TMX2: variants seen among roughly 807,000 people sequenced by gnomAD.
TMX2 encodes the protein thioredoxin-related transmembrane protein 2.
In TMX2, 20 loss-of-function variants were observed where a neutral mutation model predicts 33.4. The ratio of observed to expected loss-of-function variants is 0.60; its 90% CI spans 0.42 to 0.87. TMX2 has a LOEUF of 0.87. Among genes scored for constraint, TMX2 ranks in the 40% least tolerant of loss-of-function variants. The probability of loss-of-function intolerance (pLI) is 0.00; values close to 1 mark genes in which losing one functional copy is unlikely to be tolerated. For missense variants in TMX2, 340 were observed against 370.7 expected (o/e 0.92, Z 0.68); for synonymous variants, 166 against 140.7 (o/e 1.18, Z -1.27).
At position 57,739,431 on chromosome 11, in the gene TMX2, A is replaced by C. The variant is rs117630128; in HGVS notation, c.744+171A>C. On this transcript the variant is annotated intron_variant, in intron 7 of 7. Coordinates refer to ENST00000278422, the MANE Select transcript of TMX2 (RefSeq NM_015959.4). ...TTTAGCAAATATATATTATGTGCAG[A>C]CCTGCTAGTACTGGGTAACAATCAT... Among the ~76,000 whole-genome samples, 1,186 of 152,306 alleles carry C rather than the reference A, an allele frequency of 7.8e-3. 27 individuals are homozygous for C. The highest frequency in any genetic ancestry group is 0.061 in the East Asian group (317 of 5,176).
intron 1 of TMX2, among the ~76,000 whole-genome samples, chr11:57,719,422 T>TA (rs1187861336): frequency 4.6e-5 from 7 of 150,670 alleles, no homozygotes; most frequent in East Asian, 1.9e-4. Context: ...AAACCCCCTT[T>TA]AAAAAAAAAT....
In TMX2 at chr11:57,726,336, C is replaced by G. The variant is rs530487820; in HGVS notation, c.190-11272C>G. On this transcript the variant is annotated intron_variant, in intron 1 of 7. Coordinates refer to ENST00000278422, the MANE Select transcript of TMX2 (RefSeq NM_015959.4). The stretch of plus-strand genomic sequence containing the variant: ...GCTGAGGTAGGAGAATTGCTTGAAC[C>G]CGGGAGGCGGAGGTTGCAGTGAGCC... 2.6e-5 allele frequency among the ~76,000 whole-genome samples: 4 copies of G among 152,070 alleles called. No homozygotes were observed. The East Asian group carries it at 7.7e-4, about 29-fold the overall frequency.
intron 1 of TMX2, among the ~76,000 whole-genome samples, chr11:57,721,594 G>A (rs1042690610): frequency 1.3e-5 from 2 of 152,050 alleles, no homozygotes; most frequent in African/African-American, 4.8e-5. Flanking sequence ...GGGATTACAG[G>A]TATAAGCCAC....
chr11:57,717,145 G>A (rs1418783247), intron 1 of TMX2, among the ~76,000 whole-genome samples: 2 of 151,848 alleles, frequency 1.3e-5, no homozygotes, highest in Non-Finnish European at 2.9e-5. Flanking sequence ...CAGATGGGAT[G>A]GCTGCTGGGA....
chr11:57,723,805 A>AAATAATAATAATAATAAT (rs71061533), intron 1 of TMX2, among the ~76,000 whole-genome samples: 4,115 of 142,296 alleles, frequency 0.029, 88 homozygotes, highest in Non-Finnish European at 0.041. Context: ...TCTGTCTCAA[A>AAATAATAATAATAATAAT]AATAATAATA....
At chr11:57,718,224 C>A in intron 1 of TMX2, 1 of 1,447,130 alleles carries the variant, frequency 6.9e-7, no homozygotes, top group Admixed American at 1.7e-5. Flanking sequence ...TGTGTTGGGT[C>A]CAGCAATTGC....
rs1946717161 is a variant in TMX2 at position 57,712,935 on chromosome 11, T to C, written c.189+128T>C. The C allele has an allele frequency of 3.1e-6, 3 of 973,622 alleles. No homozygotes were observed. In the South Asian group the frequency reaches 4.8e-5, roughly 16 times the overall value. 60.3% of individuals were successfully genotyped at this position (973,622 alleles called of 1,614,324 possible). ...CCGAGCCTGTAGCGGACTTAGAGAC[T>C]ATTAAGTGCAGGGTCCGAACCATCA... On this transcript the variant is annotated intron_variant, in intron 1 of 7. Transcript: ENST00000278422.
At chr11:57,719,789 AC>A (rs577102901) in intron 1 of TMX2, among the ~76,000 whole-genome samples, 86 of 152,050 alleles carry the variant, frequency 5.7e-4, no homozygotes, top group African/African-American at 2.0e-3. Context: ...AAGTGCTGGG[AC>A]TATAGGCATG....
chr11:57,712,823 G>T lies in TMX2; in HGVS notation c.189+16G>T, dbSNP rs1271945102. 1.9e-6 allele frequency: 3 copies of T among 1,613,730 alleles called. No homozygotes were observed. On this transcript the variant is annotated intron_variant, in intron 1 of 7. Transcript: ENST00000278422. ...CTTTGACTGGGTGAGCCTCCCGCGT[G>T]TTAGTACCCCGCGACCTTGACTGTC...
rs192403384 is a variant in TMX2, at chr11:57,723,356, A to C, written c.189+10549A>C. On this transcript the variant is annotated intron_variant, in intron 1 of 7. Coordinates refer to ENST00000278422, the MANE Select transcript of TMX2 (RefSeq NM_015959.4). ...AAATTAGCTGGGTATGGTGGTATGC[A>C]CCTGTAATCCCAGCTACTTGGGAGG... Among the ~76,000 whole-genome samples the C allele has an allele frequency of 5.2e-3, 761 of 147,154 alleles. 3 individuals are homozygous for C. Among genetic ancestry groups the C allele is most frequent in the Non-Finnish European group, 8.7e-3 (578 of 66,618 alleles).
intron 5 of TMX2, 52 bp from the exon 6 acceptor site, chr11:57,738,922 T>C: frequency 2.0e-5 from 32 of 1,583,404 alleles, no homozygotes; most frequent in Non-Finnish European, 2.8e-5. Flanking sequence ...TACTTCCACT[T>C]TCCTTGATCC....
At chr11:57,715,431 A>C (rs978601149) in intron 1 of TMX2, among the ~76,000 whole-genome samples, 1 of 149,580 alleles carries the variant, frequency 6.7e-6, no homozygotes, top group African/African-American at 2.4e-5. Flanking sequence ...AATTAAAAAA[A>C]TATATTTTAT....
In TMX2 at chr11:57,728,010, T is replaced by C. The variant is rs575621211; in HGVS notation, c.190-9598T>C. Among the ~76,000 whole-genome samples the C allele has an allele frequency of 1.1e-3, 162 of 150,550 alleles. 1 individual carries two copies. Among genetic ancestry groups the C allele is most frequent in the Non-Finnish European group, 1.7e-3 (115 of 68,048 alleles). On this transcript the variant is annotated intron_variant, in intron 1 of 7. Transcript: ENST00000278422. ...GAACGAAACCAATGTATTTCTTAAA[T>C]GTATTTGATTGATGTCTCATGCCTC...
In TMX2 at chr11:57,721,374, G is replaced by A. The variant is rs1221562184; in HGVS notation, c.189+8567G>A. On this transcript the variant is annotated intron_variant, in intron 1 of 7. Transcript: ENST00000278422. The stretch of plus-strand genomic sequence containing the variant: ...TTTTTTTTTTTTTTTTTGAGATGGA[G>A]TTTTGCTCTTGTTGCCTAGGCTGGA... Among the ~76,000 whole-genome samples, 3 of 128,360 alleles carry A rather than the reference G, an allele frequency of 2.3e-5. No homozygotes were observed. The Admixed American group carries it at 2.5e-4, about 11-fold the overall frequency. The allele number at this position is 128,360 out of a possible 152,430, so 84.2% of individuals were successfully genotyped here. A position where few individuals can be genotyped will look rare whatever the true frequency, so the allele number is the denominator to read the frequency against.
At position 57,716,467 on chromosome 11, in the gene TMX2, C is replaced by T. The variant is rs1167130099; in HGVS notation, c.189+3660C>T. ...CTGACCCCCCCACCTCCCTCCCGGA[C>T]GGGGCGGCTGGCCGGGCTGAGGGGC... is the stretch of plus-strand genomic sequence containing the variant. On this transcript the variant is annotated intron_variant, in intron 1 of 7. Coordinates refer to ENST00000278422, the MANE Select transcript of TMX2 (RefSeq NM_015959.4). Among the ~76,000 whole-genome samples, 11 of 133,138 alleles carry T rather than the reference C, an allele frequency of 8.3e-5. No individual in the cohort carries two copies. The East Asian group carries it at 1.4e-3, about 17-fold the overall frequency. The allele number at this position is 133,138 out of a possible 152,430, so 87.3% of individuals were successfully genotyped here. A position where few individuals can be genotyped will look rare whatever the true frequency, so the allele number is the denominator to read the frequency against.
intron 1 of TMX2, among the ~76,000 whole-genome samples, chr11:57,716,559 G>T (rs1947070078): frequency 1.6e-5 from 2 of 128,440 alleles, no homozygotes; most frequent in African/African-American, 3.0e-5. Context: ...GCGGCTGGCC[G>T]GGCGGGGGGC....
chr11:57,725,061 A>T (rs989395683), intron 1 of TMX2, among the ~76,000 whole-genome samples: 1 of 149,346 alleles, frequency 6.7e-6, no homozygotes, highest in Non-Finnish European at 1.5e-5. Flanking sequence ...AAAAAGAAAG[A>T]AAAGAAAAGA....
In TMX2 at chr11:57,712,775, C is replaced by A; in HGVS notation, c.157C>A (p.Arg53Ser). 6.2e-7 allele frequency: 1 copy of A among 1,614,172 alleles called. No individual in the cohort carries two copies. The highest frequency in any genetic ancestry group is 1.1e-5 in the South Asian group (1 of 91,084). Residue 53 changes from arginine (R) to serine (S), a missense_variant, in exon 1 of 8, where the codon CGC (arginine) becomes AGC (serine). This residue lies in a region of TMX2 where 106 missense variants were observed against 82.7 expected (regional missense o/e 1.28). Coordinates refer to ENST00000278422, the MANE Select transcript of TMX2 (RefSeq NM_015959.4). ...PPLCHGLPTQREDGNPCDFDW... is the reference protein window; with the variant it reads ...PPLCHGLPTQSEDGNPCDFDW... ...GCTCTGCCACGGTCTGCCCACCCAA[C>A]GCGAAGACGGTAACCCGTGTGACTT...
intron 1 of TMX2, among the ~76,000 whole-genome samples, chr11:57,730,861 A>G (rs1006064507): frequency 6.6e-6 from 1 of 152,186 alleles, no homozygotes; most frequent in East Asian, 1.9e-4. Context: ...TGATCTATGT[A>G]AGTCATAATA....
Sources: gnomAD v4.1 joint callset for allele counts (sites outside exome capture counted in the v4.1 genomes callset) on GRCh38, gnomAD v4.1.1 for gene constraint, gnomAD v4.1.1 regional missense constraint, MANE v1.5 for transcripts, NCBI Gene and HGNC (gene_info 2026-07-23, HGNC 2026-07-21) for gene names.